The following ANKS1B variants were observed in gnomAD, a reference collection of about 807,000 sequenced individuals.
ANKS1B encodes ankyrin repeat and sterile alpha motif domain containing 1B.
A neutral mutation model predicts 148.3 loss-of-function variants in ANKS1B; 36 were observed. The observed-to-expected ratio is 0.24, with a 90% CI of 0.19 to 0.32. The LOEUF is 0.32. ANKS1B is among the 10% of genes least tolerant of loss of function. The pLI, the probability that ANKS1B is intolerant of heterozygous loss-of-function variation, is 1.00. For synonymous variants in ANKS1B, 542 were observed against 560.8 expected, an observed-to-expected ratio of 0.97 and a Z score of 0.47; for missense variants, 1,157 against 1,542.6, an observed-to-expected ratio of 0.75 and a Z score of 4.19.
chr12:98,791,618 T>C (rs373785610), intron 22 of ANKS1B, among the ~76,000 whole-genome samples: 1 of 152,186 alleles, frequency 6.6e-6, no homozygotes, highest in African/African-American at 2.4e-5. Context: ...TGTTCACAGG[T>C]GTGATCACAG....
intron 17 of ANKS1B, among the ~76,000 whole-genome samples, chr12:99,025,097 T>C (rs2099948002): frequency 6.6e-6 from 1 of 152,184 alleles, no homozygotes; most frequent in African/African-American, 2.4e-5. Context: ...GTGAAAGTAA[T>C]AATAAACTTT....
intron 14 of ANKS1B, among the ~76,000 whole-genome samples, chr12:99,193,180 G>A (rs2080957025): frequency 6.6e-6 from 1 of 152,134 alleles, no homozygotes; most frequent in Non-Finnish European, 1.5e-5. Flanking sequence ...TATAGCTACT[G>A]TTGGGCTCAG....
chr12:99,476,972 G>A (rs1347451760), intron 10 of ANKS1B, among the ~76,000 whole-genome samples: 1 of 152,128 alleles, frequency 6.6e-6, no homozygotes, highest in Non-Finnish European at 1.5e-5. Flanking sequence ...GTTTCCCACT[G>A]GCTGTTAATC....
At chr12:99,403,427 G>A (rs1399284406) in intron 11 of ANKS1B, among the ~76,000 whole-genome samples, 1 of 144,316 alleles carries the variant, frequency 6.9e-6, no homozygotes, top group East Asian at 1.9e-4. Context: ...AAAGTGCTGG[G>A]ATTACAGGCG....
At chr12:99,609,411 GA>G (rs941751756) in intron 9 of ANKS1B, among the ~76,000 whole-genome samples, 26 of 151,856 alleles carry the variant, frequency 1.7e-4, no homozygotes, top group African/African-American at 6.3e-4. Flanking sequence ...AAGAGGGTGC[GA>G]AAAGGTACAG....
At chr12:99,758,475 T>G (rs552914138) in intron 8 of ANKS1B, among the ~76,000 whole-genome samples, 165 of 152,028 alleles carry the variant, frequency 1.1e-3, no homozygotes, top group Non-Finnish European at 1.9e-3. Context: ...TACTCCATAC[T>G]TATCACCTCT....
At chr12:99,652,069 A>T (rs995311043) in intron 9 of ANKS1B, among the ~76,000 whole-genome samples, 1 of 120,884 alleles carries the variant, frequency 8.3e-6, no homozygotes, top group Non-Finnish European at 1.7e-5. Flanking sequence ...ACATGTTTAC[A>T]TGTGTATATA....
intron 15 of ANKS1B, among the ~76,000 whole-genome samples, chr12:99,088,098 T>C (rs188207008): frequency 1.4e-3 from 211 of 152,074 alleles, no homozygotes; most frequent in African/African-American, 4.8e-3. Flanking sequence ...ACAAGAAAAA[T>C]AGTGAAAATG....
intron 9 of ANKS1B, among the ~76,000 whole-genome samples, chr12:99,562,047 T>G (rs1459654478): frequency 6.6e-6 from 1 of 152,212 alleles, no homozygotes; most frequent in African/African-American, 2.4e-5. Context: ...TTCGCACACA[T>G]AAAAACAACA....
Position 98,829,456 on chromosome 12 carries a change from G to C in ANKS1B, c.2887-103C>G, listed in dbSNP as rs968385688. On this transcript the variant is annotated intron_variant, in intron 18 of 26. Transcript: ENST00000683438. This position sits in a 1 kb window ranked among gnomAD's most constrained non-coding sequence, Gnocchi z 5.2. Reference sequence around the variant, plus strand: ...AGACAAACTGTGGGGGTGGGGAGTCGCTTTTGAAGCAACAGCCAAGGAATG... The same window carrying C: ...AGACAAACTGTGGGGGTGGGGAGTCCCTTTTGAAGCAACAGCCAAGGAATG... 9.1e-7 allele frequency: 1 copy of C among 1,097,832 alleles called. No homozygotes were observed. Among genetic ancestry groups the C allele is most frequent in the African/African-American group, 1.6e-5 (1 of 62,808 alleles). 68.0% of individuals were successfully genotyped at this position (1,097,832 alleles called of 1,614,324 possible). A position where few individuals can be genotyped will look rare whatever the true frequency, so the allele number is the denominator to read the frequency against.
At chr12:99,456,728 T>A (rs763557363) in intron 10 of ANKS1B, among the ~76,000 whole-genome samples, 128 of 148,142 alleles carry the variant, frequency 8.6e-4, no homozygotes, top group Admixed American at 2.9e-3. Flanking sequence ...ACAAAGAAAA[T>A]TTTTTTTTTA....
intron 1 of ANKS1B, among the ~76,000 whole-genome samples, chr12:99,892,501 T>C (rs896524698): frequency 1.3e-5 from 2 of 152,078 alleles, no homozygotes; most frequent in Non-Finnish European, 2.9e-5. Flanking sequence ...TGAACCAACT[T>C]GAGAAACCTG....
At chr12:99,202,667 T>G (rs1355787516) in intron 14 of ANKS1B, among the ~76,000 whole-genome samples, 1 of 152,234 alleles carries the variant, frequency 6.6e-6, no homozygotes, top group African/African-American at 2.4e-5. Context: ...AGTATTGATA[T>G]AACATTTTTA....
At chr12:99,621,075 A>G (rs2098042300) in intron 9 of ANKS1B, among the ~76,000 whole-genome samples, 1 of 152,194 alleles carries the variant, frequency 6.6e-6, no homozygotes, top group Admixed American at 6.5e-5. Context: ...ACAAGCCAGT[A>G]GAGATACAGG....
intron 11 of ANKS1B, among the ~76,000 whole-genome samples, chr12:99,425,173 C>T (rs188282885): frequency 4.6e-4 from 70 of 151,968 alleles, no homozygotes; most frequent in African/African-American, 1.6e-3. Context: ...TAAACACACA[C>T]CCACAGTTGT....
intron 12 of ANKS1B, among the ~76,000 whole-genome samples, chr12:99,340,054 T>C (rs2089648202): frequency 6.6e-6 from 1 of 152,204 alleles, no homozygotes; most frequent in African/African-American, 2.4e-5. Context: ...AGGAAGTTTG[T>C]GGCATCCTCA....
chr12:98,986,327 C>T (rs543111910), intron 17 of ANKS1B, among the ~76,000 whole-genome samples: 2 of 151,996 alleles, frequency 1.3e-5, no homozygotes, highest in African/African-American at 4.8e-5. Context: ...CCTTTTTCTA[C>T]ATGTTAAACC....
At chr12:98,968,903 T>C (rs2099880883) in intron 17 of ANKS1B, among the ~76,000 whole-genome samples, 1 of 152,180 alleles carries the variant, frequency 6.6e-6, no homozygotes, top group African/African-American at 2.4e-5. Context: ...ATGAAAGCAG[T>C]GTTTGGGCAC....
At chr12:98,800,954 C>T in intron 21 of ANKS1B, 43 bp downstream of exon 21, 1 of 1,591,098 alleles carries the variant, frequency 6.3e-7, no homozygotes, top group Non-Finnish European at 8.6e-7. Flanking sequence ...AACATACCCC[C>T]TATCTCCACT....
Sources: allele counts gnomAD v4.1 joint callset (sites outside exome capture counted in the v4.1 genomes callset), GRCh38; gene constraint gnomAD v4.1.1; non-coding constraint Gnocchi (gnomAD v3.1); transcripts MANE v1.5; gene names NCBI Gene and HGNC (gene_info 2026-07-23, HGNC 2026-07-21).